The following SPNS2 variants were observed in gnomAD, a reference collection of about 807,000 sequenced individuals.
The protein encoded by SPNS2 is SPNS lysolipid transporter 2, sphingosine-1-phosphate, also known as sphingosine-1-phosphate transporter SPNS2.
SPNS2 carries 37 observed loss-of-function variants against 57.6 expected under a neutral mutation model. The ratio of observed to expected loss-of-function variants is 0.64; its 90% CI spans 0.49 to 0.85. The LOEUF is 0.85. SPNS2 is among the 40% of genes least tolerant of loss of function. The pLI is 0.00. For missense variants in SPNS2, 831 were observed against 779.1 expected (o/e 1.07, Z -0.79); for synonymous variants, 440 against 346.9 (o/e 1.27, Z -2.98).
intron 5 of SPNS2, 126 bp from the exon 6 acceptor site, chr17:4,532,416 G>C (rs1264848030): frequency 7.2e-7 from 1 of 1,388,786 alleles, no homozygotes. Flanking sequence ...AGGAAGGCTG[G>C]GCAGATACCT....
chr17:4,538,449 G>A lies in SPNS2; in HGVS notation c.*1001G>A, dbSNP rs984222944. 3.6e-5 allele frequency: 7 copies of A among 193,448 alleles called. No homozygotes were observed. In the East Asian group the frequency reaches 1.1e-3, roughly 29 times the overall value. 12.0% of individuals were successfully genotyped at this position (193,448 alleles called of 1,614,324 possible). The stretch of plus-strand genomic sequence containing the variant: ...GGCCCCTACCCAAACACTGGCTGCT[G>A]GCATTCCACCAAGTGACCCCAGGGG... On this transcript the variant is annotated 3_prime_UTR_variant, in exon 13 of 13. Coordinates refer to ENST00000329078, the MANE Select transcript of SPNS2 (RefSeq NM_001124758.3).
At chr17:4,537,118 G>A (rs1471465560) in intron 12 of SPNS2, among the ~76,000 whole-genome samples, 172 bp downstream of exon 12, 2 of 152,244 alleles carry the variant, frequency 1.3e-5, no homozygotes, top group Non-Finnish European at 2.9e-5. Context: ...GCCATGGGTG[G>A]GACAGCAGGC....
At chr17:4,503,534 A>G (rs1392525675) in intron 1 of SPNS2, among the ~76,000 whole-genome samples, 1 of 152,212 alleles carries the variant, frequency 6.6e-6, no homozygotes, top group Non-Finnish European at 1.5e-5. Context: ...CCTCTGTGAA[A>G]TGGAAGCAGA....
At chr17:4,536,524 A>T in intron 11 of SPNS2, 98 bp downstream of exon 11, 1 of 1,390,366 alleles carries the variant, frequency 7.2e-7, no homozygotes, top group Non-Finnish European at 9.8e-7. Context: ...GGGAGGGTAC[A>T]GACCTCCCAT....
rs1392259344 is a variant in SPNS2, at chr17:4,537,736, G to A, written c.*288G>A. The A allele has an allele frequency of 2.0e-5, 9 of 456,670 alleles. No individual in the cohort carries two copies. Among genetic ancestry groups the A allele is most frequent in the Non-Finnish European group, 4.0e-5 (9 of 226,876 alleles). The allele number at this position is 456,670 out of a possible 1,614,324, so 28.3% of individuals were successfully genotyped here. Reference sequence around the variant, plus strand: ...CCAAGGAAGAAGACAGCCCCAAGTGGGTGTCCGGGGAGAGCCTGGCCTGCC... The same window carrying A: ...CCAAGGAAGAAGACAGCCCCAAGTGAGTGTCCGGGGAGAGCCTGGCCTGCC... On this transcript the variant is annotated 3_prime_UTR_variant, in exon 13 of 13. Coordinates refer to ENST00000329078, the MANE Select transcript of SPNS2 (RefSeq NM_001124758.3).
At chr17:4,533,575 AG>A (rs920398490) in intron 8 of SPNS2, 143 bp downstream of exon 8, 3 of 1,065,248 alleles carry the variant, frequency 2.8e-6, no homozygotes, top group South Asian at 1.6e-5. Context: ...GCTCATCCCC[AG>A]CCTGGCCACA....
Position 4,533,792 on chromosome 17 carries a change from G to A in SPNS2, c.1283G>A (p.Cys428Tyr). The A allele has an allele frequency of 1.2e-6, 2 of 1,613,766 alleles. No homozygotes were observed. The highest frequency in any genetic ancestry group is 8.5e-7 in the Non-Finnish European group (1 of 1,180,008). Residue 428 changes from cysteine (C) to tyrosine (Y), a missense_variant, in exon 9 of 13, where the codon TGT becomes TAT. Cys to Tyr is a radical substitution (Grantham distance 194). Around this residue, in one of 2 missense-constraint regions of SPNS2, gnomAD observed 526 missense variants for 400.9 expected, o/e 1.31. Coordinates refer to ENST00000329078, the MANE Select transcript of SPNS2 (RefSeq NM_001124758.3). ...GCTTTGCCTTCTCCCCGGCAGATCT[G>A]TATCTTCGTCGGGGAGACGCTGCTG... ...AKSSIVGAYICIFVGETLLFS... is the reference protein window; with the variant it reads ...AKSSIVGAYIYIFVGETLLFS...
intron 1 of SPNS2, among the ~76,000 whole-genome samples, chr17:4,505,773 C>T (rs1008169907): frequency 2.6e-5 from 4 of 152,146 alleles, no homozygotes; most frequent in African/African-American, 9.7e-5. Flanking sequence ...AAACCTGGAA[C>T]GAGGCACTAG....
chr17:4,518,884 C>A (rs1250952684), intron 2 of SPNS2, among the ~76,000 whole-genome samples: 2 of 152,240 alleles, frequency 1.3e-5, no homozygotes, highest in African/African-American at 4.8e-5. Context: ...AAGGAGTGGC[C>A]CCAAAACCTC....
Position 4,538,494 on chromosome 17 carries a change from C to T in SPNS2, c.*1046C>T, listed in dbSNP as rs1906003184. 8.8e-6 allele frequency: 2 copies of T among 228,180 alleles called. No individual in the cohort carries two copies. The highest frequency in any genetic ancestry group is 1.2e-4 in the South Asian group (2 of 17,300). 14.1% of individuals were successfully genotyped at this position (228,180 alleles called of 1,614,324 possible). A position where few individuals can be genotyped will look rare whatever the true frequency, so the allele number is the denominator to read the frequency against. On this transcript the variant is annotated 3_prime_UTR_variant, in exon 13 of 13. Coordinates refer to ENST00000329078, the MANE Select transcript of SPNS2 (RefSeq NM_001124758.3). ...CAGGGGGGGGCCAGGCCTTCGATCACCCACCTCCCATCCATGCACACACCA... is the reference window on the plus strand; with the variant it reads ...CAGGGGGGGGCCAGGCCTTCGATCATCCACCTCCCATCCATGCACACACCA...
Position 4,536,438 on chromosome 17 carries a change from G to C in SPNS2, c.1607+12G>C, listed in dbSNP as rs561999379. On this transcript the variant is annotated intron_variant, in intron 11 of 12. Transcript: ENST00000329078. The stretch of plus-strand genomic sequence containing the variant: ...AGGGCTGAGCAGCAGTGAGTGGGGG[G>C]GAGGGGAGGCCCTGCTGCACCGCCG... 142 of 1,582,782 alleles carry C rather than the reference G, an allele frequency of 9.0e-5. No homozygotes were observed. The East Asian group carries it at 3.1e-3, about 35-fold the overall frequency.
chr17:4,501,927 C>A (rs1377495179), intron 1 of SPNS2, among the ~76,000 whole-genome samples: 1 of 152,126 alleles, frequency 6.6e-6, no homozygotes, highest in Non-Finnish European at 1.5e-5. Flanking sequence ...ATAGTGTAGA[C>A]CAGCTTTGTC....
rs771614086 is a variant in SPNS2, at chr17:4,533,097, G to A, written c.1056G>A (p.Thr352=). The A allele has an allele frequency of 1.5e-5, 24 of 1,612,440 alleles. No individual in the cohort carries two copies. In the East Asian group the frequency reaches 2.9e-4, roughly 19 times the overall value. ...AAGTTGTGCAGAAGACAGCAGAGACGTGCAACAGCCCGCCCTGTGGGGCCA... is the reference window on the plus strand; with the variant it reads ...AAGTTGTGCAGAAGACAGCAGAGACATGCAACAGCCCGCCCTGTGGGGCCA... The part of the protein sequence containing the change: ...RAQVVQKTAE[T]CNSPPCGAKD... Residue 352 remains threonine, a synonymous_variant, in exon 7 of 13, where the codon ACG becomes ACA. Transcript: ENST00000329078.
Position 4,530,608 on chromosome 17 carries a change from A to G in SPNS2, c.574-24A>G, listed in dbSNP as rs755096107. On this transcript the variant is annotated intron_variant, in intron 3 of 12. Coordinates refer to ENST00000329078, the MANE Select transcript of SPNS2 (RefSeq NM_001124758.3). ...GCAGACGGTGGGTAGTCGGTCCCCC[A>G]GCATCCTCCACCCCTCCTCACAGTA... 3.1e-6 allele frequency: 5 copies of G among 1,600,986 alleles called. No homozygotes were observed. In the South Asian group the frequency reaches 5.6e-5, roughly 18 times the overall value.
intron 2 of SPNS2, among the ~76,000 whole-genome samples, chr17:4,519,614 C>T (rs1342962778): frequency 2.3e-3 from 1 of 430 alleles, no homozygotes; most frequent in Non-Finnish European, 7.4e-3. Flanking sequence ...AGCACACCCT[C>T]CACAGGATGT....
rs1175101084 is a variant in SPNS2 at position 4,537,715 on chromosome 17, GGAA to G, written c.*273_*275del. 2.2e-5 allele frequency: 10 copies of G among 456,670 alleles called. No homozygotes were observed. Among genetic ancestry groups the G allele is most frequent in the Non-Finnish European group, 4.0e-5 (9 of 226,982 alleles). The allele number at this position is 456,670 out of a possible 1,614,324, so 28.3% of individuals were successfully genotyped here. ...TGGGCCGCAGGGCCCCTGGGGCCAA[GGAA>G]GAAGACAGCCCCAAGTGGGTGTCCG... On this transcript the variant is annotated 3_prime_UTR_variant, in exon 13 of 13. Coordinates refer to ENST00000329078, the MANE Select transcript of SPNS2 (RefSeq NM_001124758.3).
At chr17:4,528,559 C>T (rs1035763636) in intron 3 of SPNS2, among the ~76,000 whole-genome samples, 1 of 151,684 alleles carries the variant, frequency 6.6e-6, no homozygotes, top group Non-Finnish European at 1.5e-5. Flanking sequence ...GCCACCCCCT[C>T]CTCCACCACC....
intron 2 of SPNS2, among the ~76,000 whole-genome samples, chr17:4,520,075 A>G (rs1905101116): frequency 6.6e-6 from 1 of 152,194 alleles, no homozygotes; most frequent in Non-Finnish European, 1.5e-5. Context: ...GCTGGTCCAG[A>G]CTGTGCCTTC....
At position 4,537,213 on chromosome 17, in the gene SPNS2, G is replaced by C. The variant is rs543701712; in HGVS notation, c.*5-240G>C. ...CATAGATCAGGGCCAGGACTGGCCA[G>C]GAACTCCTCACTCTGTCCGGACTTC... On this transcript the variant is annotated intron_variant, in intron 12 of 12. Transcript: ENST00000329078. Among the ~76,000 whole-genome samples, 9 of 152,330 alleles carry C rather than the reference G, an allele frequency of 5.9e-5. No individual in the cohort carries two copies. In the South Asian group the frequency reaches 1.9e-3, roughly 32 times the overall value.
Sources: gnomAD v4.1 joint callset for allele counts (sites outside exome capture counted in the v4.1 genomes callset) on GRCh38, gnomAD v4.1.1 for gene constraint, gnomAD v4.1.1 regional missense constraint, MANE v1.5 for transcripts, NCBI Gene and HGNC (gene_info 2026-07-23, HGNC 2026-07-21) for gene names.